The following SGMS1 variants were observed in gnomAD, a reference collection of about 807,000 sequenced individuals.
SGMS1 encodes the protein phosphatidylcholine:ceramide cholinephosphotransferase 1.
Under a neutral mutation model 46.2 loss-of-function variants are expected in SGMS1, and 13 were observed. The ratio of observed to expected loss-of-function variants is 0.28; its 90% confidence interval spans 0.18 to 0.45. The LOEUF (loss-of-function observed/expected upper bound fraction) is 0.45. Ranked by LOEUF, SGMS1 falls within the 20% of genes least tolerant of loss-of-function variation. The pLI is 1.00. For synonymous variants in SGMS1, 203 were observed against 187.8 expected (o/e 1.08, Z -0.66); for missense variants, 324 against 519.9 (o/e 0.62, Z 3.66).
chr10:50,408,781 C>A (rs1216652914), intron 6 of SGMS1, among the ~76,000 whole-genome samples: 2 of 152,064 alleles, frequency 1.3e-5, no homozygotes, highest in Admixed American at 1.3e-4. Context: ...GCAGTTGAGG[C>A]AGGAGAATCA....
intron 1 of SGMS1, among the ~76,000 whole-genome samples, chr10:50,621,241 C>T (rs1459359151): frequency 6.6e-6 from 1 of 152,136 alleles, no homozygotes; most frequent in African/African-American, 2.4e-5. Flanking sequence ...GTTTGGTTTT[C>T]ATGACGTATG....
At chr10:50,407,536 C>A (rs1849032230) in intron 6 of SGMS1, among the ~76,000 whole-genome samples, 1 of 152,178 alleles carries the variant, frequency 6.6e-6, no homozygotes, top group African/African-American at 2.4e-5. Context: ...CTCCAAACGG[C>A]CTCCTCCAAT....
chr10:50,564,189 G>C (rs1462417007), intron 2 of SGMS1, among the ~76,000 whole-genome samples: 1 of 152,214 alleles, frequency 6.6e-6, no homozygotes, highest in Non-Finnish European at 1.5e-5. Flanking sequence ...ATTTGGCACA[G>C]TGTGAGACAG....
intron 2 of SGMS1, among the ~76,000 whole-genome samples, chr10:50,561,355 T>C (rs1838234829): frequency 6.6e-6 from 1 of 152,204 alleles, no homozygotes; most frequent in Non-Finnish European, 1.5e-5. Flanking sequence ...ATACAGCTAG[T>C]ATCAACTGGC....
intron 2 of SGMS1, among the ~76,000 whole-genome samples, chr10:50,552,221 G>T (rs1360333857): frequency 6.6e-6 from 1 of 152,092 alleles, no homozygotes; most frequent in Non-Finnish European, 1.5e-5. Context: ...ATTTATCTTG[G>T]TTTTATTCTG....
intron 2 of SGMS1, among the ~76,000 whole-genome samples, chr10:50,529,397 GTAAACTTAGGCCTTCAA>G (rs1837932799): frequency 6.6e-6 from 1 of 152,112 alleles, no homozygotes; most frequent in African/African-American, 2.4e-5. Context: ...ACAATGCTAG[GTAAACTTAGGCCTTCAA>G]TAAACATGGA....
chr10:50,512,243 G>C (rs972775336), intron 3 of SGMS1, among the ~76,000 whole-genome samples: 1 of 151,982 alleles, frequency 6.6e-6, no homozygotes, highest in Non-Finnish European at 1.5e-5. Context: ...GAGGGAGTAG[G>C]AAACAAGACT....
intron 3 of SGMS1, among the ~76,000 whole-genome samples, chr10:50,496,257 C>A (rs937272248): frequency 1.3e-5 from 2 of 152,208 alleles, no homozygotes; most frequent in African/African-American, 4.8e-5. Context: ...AAATGTCTTT[C>A]TGCCTTTATT....
chr10:50,494,413 C>A (rs138524795), intron 3 of SGMS1, among the ~76,000 whole-genome samples: 2 of 152,106 alleles, frequency 1.3e-5, no homozygotes, highest in Non-Finnish European at 2.9e-5. Flanking sequence ...ATAAAGGAAA[C>A]GTGATACATA....
intron 5 of SGMS1, among the ~76,000 whole-genome samples, chr10:50,445,732 A>G (rs1837003796): frequency 6.6e-6 from 1 of 152,174 alleles, no homozygotes; most frequent in Non-Finnish European, 1.5e-5. Context: ...ACAATATGAA[A>G]TCTGGGCACC....
chr10:50,537,256 T>G (rs1838010204), intron 2 of SGMS1, among the ~76,000 whole-genome samples: 1 of 152,092 alleles, frequency 6.6e-6, no homozygotes, highest in African/African-American at 2.4e-5. Context: ...CAAAGTAACC[T>G]TTTCTCCAGA....
Position 50,404,311 on chromosome 10 carries a change from A to AT in SGMS1, c.-232+29164dup, listed in dbSNP as rs534874395. On this transcript the variant is annotated intron_variant, in intron 6 of 10. Transcript: ENST00000361781. ...CATAATCTTGTTTTGTTTTGTTTTG[A>AT]TTTTTTTTTTTTTTTTAAAAAGGCC... is the stretch of plus-strand genomic sequence containing the variant. 8.5e-3 allele frequency among the ~76,000 whole-genome samples: 1,217 copies of AT among 142,840 alleles called. 4 individuals carry two copies. The highest frequency in any genetic ancestry group is 9.6e-3 in the African/African-American group (377 of 39,236). The allele number at this position is 142,840 out of a possible 152,430, so 93.7% of individuals were successfully genotyped here.
chr10:50,548,767 A>G (rs1367870196), intron 2 of SGMS1, among the ~76,000 whole-genome samples: 1 of 152,224 alleles, frequency 6.6e-6, no homozygotes, highest in Non-Finnish European at 1.5e-5. Flanking sequence ...CAGAGTGAAC[A>G]GACAACCTAC....
At chr10:50,580,643 G>A (rs1430627186) in intron 2 of SGMS1, among the ~76,000 whole-genome samples, 1 of 152,166 alleles carries the variant, frequency 6.6e-6, no homozygotes, top group South Asian at 2.1e-4. Flanking sequence ...GAGTTCAGTG[G>A]CTCTCACACT....
intron 4 of SGMS1, 80 bp downstream of exon 4, chr10:50,466,806 ATTGT>A (rs1837334032): frequency 6.6e-6 from 1 of 152,230 alleles, no homozygotes; most frequent in Non-Finnish European, 1.5e-5. Flanking sequence ...GCCCACAAAA[ATTGT>A]TTGTTTAGAT....
At chr10:50,432,664 T>G (rs1302668450) in intron 6 of SGMS1, among the ~76,000 whole-genome samples, 1 of 152,172 alleles carries the variant, frequency 6.6e-6, no homozygotes, top group African/African-American at 2.4e-5. Context: ...ATGACACAAA[T>G]ATAAGGAAGA....
At chr10:50,332,611 C>CTTT (rs150975310) in intron 7 of SGMS1, among the ~76,000 whole-genome samples, 18 of 72,694 alleles carry the variant, frequency 2.5e-4, no homozygotes, top group Admixed American at 3.5e-4. Context: ...TTTTTTAAGT[C>CTTT]TTTTTTTTTT....
At chr10:50,345,121 T>C (rs1176458469) in intron 6 of SGMS1, among the ~76,000 whole-genome samples, 1 of 114,912 alleles carries the variant, frequency 8.7e-6, no homozygotes, top group African/African-American at 3.0e-5. Context: ...TATTTTTATA[T>C]TCTTTAAAAA....
intron 2 of SGMS1, among the ~76,000 whole-genome samples, chr10:50,563,102 C>T (rs1252072222): frequency 6.6e-6 from 1 of 152,182 alleles, no homozygotes; most frequent in Non-Finnish European, 1.5e-5. Flanking sequence ...ATTTCATTAA[C>T]GAACTAGTAA....
Sources: allele counts gnomAD v4.1 joint callset (sites outside exome capture counted in the v4.1 genomes callset), GRCh38; gene constraint gnomAD v4.1.1; transcripts MANE v1.5; gene names NCBI Gene and HGNC (gene_info 2026-07-23, HGNC 2026-07-21).